The following STAG1 variants were observed in gnomAD, a reference collection of about 807,000 sequenced individuals.
STAG1 encodes cohesin subunit SA-1.
A neutral mutation model predicts 170.9 loss-of-function variants in STAG1; 26 were observed. That is an observed-to-expected ratio of 0.15 (90% CI 0.11 to 0.21). STAG1 has a LOEUF of 0.21. STAG1 is among the 10% of genes least tolerant of loss of function. The pLI, the probability that STAG1 is intolerant of heterozygous loss-of-function variation, is 1.00. For missense variants in STAG1, 964 were observed against 1,509.5 expected, an observed-to-expected ratio of 0.64 and a Z score of 5.99; for synonymous variants, 514 against 497.7, an observed-to-expected ratio of 1.03 and a Z score of -0.44.
intron 5 of STAG1, among the ~76,000 whole-genome samples, chr3:136,553,712 T>A (rs1043603627): frequency 1.3e-5 from 2 of 152,238 alleles, no homozygotes; most frequent in Non-Finnish European, 2.9e-5. Flanking sequence ...AGGCAGAGAT[T>A]GCCGTGAGCC....
intron 13 of STAG1, among the ~76,000 whole-genome samples, chr3:136,463,545 G>T (rs2089334645): frequency 6.6e-6 from 1 of 151,768 alleles, no homozygotes; most frequent in Admixed American, 6.6e-5. Context: ...AAAGCAAAAA[G>T]ATACACACCT....
chr3:136,480,989 T>C (rs2089890361), intron 9 of STAG1, among the ~76,000 whole-genome samples: 1 of 138,716 alleles, frequency 7.2e-6, no homozygotes, highest in African/African-American at 2.6e-5. Context: ...GCTGAGACGA[T>C]GGGGTTTTCT....
At chr3:136,361,183 A>G (rs1936850557) in intron 26 of STAG1, among the ~76,000 whole-genome samples, 1 of 152,182 alleles carries the variant, frequency 6.6e-6, no homozygotes, top group East Asian at 1.9e-4. Context: ...GTGTAGACAT[A>G]TTACTTTTAC....
intron 6 of STAG1, among the ~76,000 whole-genome samples, chr3:136,532,959 A>C (rs1935450651): frequency 6.6e-6 from 1 of 152,200 alleles, no homozygotes; most frequent in African/African-American, 2.4e-5. Context: ...TCCAAATTGG[A>C]AAAGAGGAAG....
intron 6 of STAG1, among the ~76,000 whole-genome samples, chr3:136,540,423 CT>C (rs1935835121): frequency 6.6e-6 from 1 of 151,860 alleles, no homozygotes; most frequent in South Asian, 2.1e-4. Flanking sequence ...TATGAAATGC[CT>C]TTTCAGTAAT....
intron 9 of STAG1, among the ~76,000 whole-genome samples, chr3:136,485,392 G>C (rs1170347037): frequency 2.6e-5 from 4 of 152,124 alleles, no homozygotes; most frequent in Admixed American, 1.3e-4. Context: ...AGGAGGCGGA[G>C]GTTGCAGTAA....
At chr3:136,475,476 G>A (rs1016319382) in intron 10 of STAG1, among the ~76,000 whole-genome samples, 8 of 152,036 alleles carry the variant, frequency 5.3e-5, no homozygotes, top group Admixed American at 1.3e-4. Flanking sequence ...TACAAACCTC[G>A]CAACATCACC....
At chr3:136,359,006 C>A in intron 27 of STAG1, 142 bp downstream of exon 27, 1 of 683,614 alleles carries the variant, frequency 1.5e-6, no homozygotes, top group Non-Finnish European at 2.2e-6. Flanking sequence ...AACATCCTCC[C>A]AGTTTAGAAT....
chr3:136,516,452 G>A (rs1401746403), intron 7 of STAG1, among the ~76,000 whole-genome samples: 1 of 151,898 alleles, frequency 6.6e-6, no homozygotes, highest in East Asian at 1.9e-4. Flanking sequence ...GGGTTGCAAG[G>A]AAACAAAACC....
intron 4 of STAG1, among the ~76,000 whole-genome samples, chr3:136,602,328 G>A (rs923004861): frequency 1.3e-4 from 19 of 150,276 alleles, no homozygotes; most frequent in East Asian, 3.9e-4. Flanking sequence ...GCAGCGAGCC[G>A]GGATCACGCC....
chr3:136,611,669 T>G (rs1939288576), intron 3 of STAG1, among the ~76,000 whole-genome samples: 1 of 140,302 alleles, frequency 7.1e-6, no homozygotes, highest in South Asian at 2.4e-4. Context: ...TTTTTTTTTT[T>G]TTTTTTTTTT....
At chr3:136,732,095 G>A (rs1031249472) in intron 1 of STAG1, among the ~76,000 whole-genome samples, 1 of 152,160 alleles carries the variant, frequency 6.6e-6, no homozygotes, top group East Asian at 1.9e-4. Flanking sequence ...AAGAAACTGA[G>A]GCCCAGAGAA....
intron 20 of STAG1, 41 bp downstream of exon 20, chr3:136,421,052 T>G: frequency 5.3e-6 from 7 of 1,332,122 alleles, no homozygotes; most frequent in Non-Finnish European, 7.4e-6. Flanking sequence ...GTTACAGGCA[T>G]GAGCCACCTC....
intron 6 of STAG1, among the ~76,000 whole-genome samples, chr3:136,528,303 T>G (rs1935174717): frequency 6.6e-6 from 1 of 152,112 alleles, no homozygotes; most frequent in African/African-American, 2.4e-5. Context: ...TCCCCCAGCC[T>G]TACTGCAGCC....
chr3:136,361,292 A>G (rs898565504), intron 26 of STAG1, among the ~76,000 whole-genome samples: 7 of 152,278 alleles, frequency 4.6e-5, no homozygotes, highest in Middle Eastern at 6.8e-3. Context: ...TCCTTTATCT[A>G]GCTCAGTTTA....
At chr3:136,647,345 C>A (rs1031388887) in intron 1 of STAG1, among the ~76,000 whole-genome samples, 17 of 152,026 alleles carry the variant, frequency 1.1e-4, no homozygotes, top group Admixed American at 5.2e-4. Flanking sequence ...CCCAGGCGGG[C>A]GATCACCTGA....
chr3:136,720,602 C>A (rs1185868601), intron 1 of STAG1, among the ~76,000 whole-genome samples: 1 of 152,042 alleles, frequency 6.6e-6, no homozygotes, highest in Non-Finnish European at 1.5e-5. Flanking sequence ...CCAGCCTGGC[C>A]AACATGGCAA....
At chr3:136,374,540 C>T (rs552536201) in intron 23 of STAG1, among the ~76,000 whole-genome samples, 23 of 151,892 alleles carry the variant, frequency 1.5e-4, no homozygotes, top group Non-Finnish European at 2.5e-4. Flanking sequence ...TTGCTTGAAC[C>T]TGGGAGGTGG....
At chr3:136,570,841 C>G (rs1276939107) in intron 4 of STAG1, among the ~76,000 whole-genome samples, 1 of 152,226 alleles carries the variant, frequency 6.6e-6, no homozygotes, top group African/African-American at 2.4e-5. Flanking sequence ...AATACTGTTT[C>G]ACTGTCTCAT....
Sources: allele counts gnomAD v4.1 joint callset (sites outside exome capture counted in the v4.1 genomes callset), GRCh38; gene constraint gnomAD v4.1.1; transcripts MANE v1.5; gene names NCBI Gene and HGNC (gene_info 2026-07-23, HGNC 2026-07-21).